The following BCAT2 variants were observed in gnomAD, a reference collection of about 807,000 sequenced individuals.
BCAT2 encodes the protein branched-chain-amino-acid aminotransferase, mitochondrial.
BCAT2 carries 44 observed loss-of-function variants against 52.9 expected under a neutral mutation model. The observed-to-expected ratio is 0.83, with a 90% confidence interval of 0.65 to 1.07. The LOEUF (loss-of-function observed/expected upper bound fraction) is 1.07, where lower values mean the gene tolerates loss of function less well. Ranked by LOEUF, BCAT2 falls within the 50% of genes least tolerant of loss-of-function variation. The probability of loss-of-function intolerance (pLI) is 0.00; values close to 1 mark genes in which losing one functional copy is unlikely to be tolerated. For missense variants in BCAT2, 478 were observed against 521.8 expected (o/e 0.92, Z 0.82); for synonymous variants, 215 against 217.1 (o/e 0.99, Z 0.08).
chr19:48,797,135 A>C, intron 7 of BCAT2, 56 bp downstream of exon 7: 1 of 1,609,030 alleles, frequency 6.2e-7, no homozygotes, highest in Non-Finnish European at 8.5e-7. Context: ...ACCTGCCAGG[A>C]ATGATGGTGC....
At chr19:48,808,860 G>C (rs917704679) in intron 1 of BCAT2, among the ~76,000 whole-genome samples, 4 of 151,766 alleles carry the variant, frequency 2.6e-5, no homozygotes, top group Non-Finnish European at 5.9e-5. Context: ...GACTGCATGA[G>C]GCCAGGAGTT....
intron 9 of BCAT2, 22 bp from the exon 10 acceptor site, chr19:48,796,524 G>A: frequency 1.9e-6 from 3 of 1,611,338 alleles, no homozygotes; most frequent in Non-Finnish European, 2.5e-6. Flanking sequence ...GGTGCGGTGA[G>A]GACCAAGCCC....
rs760944625 is a variant in BCAT2, at chr19:48,806,666, G to T, written c.151C>A (p.Pro51Thr). 3.3e-5 allele frequency: 54 copies of T among 1,613,902 alleles called. No homozygotes were observed. The South Asian group carries it at 4.5e-4, about 13-fold the overall frequency. ...TTCCCAAACACCAGGGGCTCGCCGG[G>T]GCCAGGCTTCTTATGAGGCTTCTGT... ...MTQKPHKKPG[P>T]GEPLVFGKTF... The change falls in exon 3 of 11, where the codon CCC (proline) becomes ACC (threonine). Residue 51 changes from proline (P) to threonine (T), a missense_variant. Physicochemically the swap from Pro to Thr is conservative, Grantham distance 38 (BLOSUM62 -1). Transcript: ENST00000316273.
chr19:48,796,604 C>G lies in BCAT2; in HGVS notation c.1039G>C (p.Val347Leu), dbSNP rs756442340. The part of the protein sequence containing the change: ...GSGTACQVCP[V>L]HRILYKDRNL... ...CTGTCTTTGTACAGGATTCGGTGCA[C>G]TGGGCAGACCTGGCAAGCGGTGCCC... The change falls in exon 9 of 11, where the codon GTG (valine) becomes CTG (leucine). Residue 347 changes from valine (V) to leucine (L), a missense_variant. Val to Leu is a conservative substitution (Grantham distance 32). Coordinates refer to ENST00000316273, the MANE Select transcript of BCAT2 (RefSeq NM_001190.4). 6.2e-7 allele frequency: 1 copy of G among 1,613,608 alleles called. No individual in the cohort carries two copies. The highest frequency in any genetic ancestry group is 1.7e-5 in the Admixed American group (1 of 60,006).
intron 3 of BCAT2, among the ~76,000 whole-genome samples, chr19:48,803,522 T>C (rs1473716490): frequency 6.6e-6 from 1 of 151,430 alleles, no homozygotes; most frequent in Non-Finnish European, 1.5e-5. Flanking sequence ...AGCAAGACCC[T>C]TTCTCAAAAA....
chr19:48,800,408 G>T, intron 3 of BCAT2, 111 bp from the exon 4 acceptor site: 1 of 942,976 alleles, frequency 1.1e-6, no homozygotes, highest in Non-Finnish European at 1.6e-6. Flanking sequence ...AAAGATGGAG[G>T]CCAAGAGGAG....
At chr19:48,804,475 C>A (rs533773605) in intron 3 of BCAT2, among the ~76,000 whole-genome samples, 1 of 151,970 alleles carries the variant, frequency 6.6e-6, no homozygotes, top group Non-Finnish European at 1.5e-5. Flanking sequence ...ACCCGGGAGG[C>A]GGAGGTTGCA....
At chr19:48,795,613 TG>T (rs2034491442) in intron 10 of BCAT2, 149 bp from the exon 11 acceptor site, 4 of 869,942 alleles carry the variant, frequency 4.6e-6, no homozygotes, top group Non-Finnish European at 5.4e-6. Context: ...CCAACAATGA[TG>T]GGAACGGGGA....
intron 3 of BCAT2, 141 bp from the exon 4 acceptor site, chr19:48,800,438 A>G (rs1349413257): frequency 4.3e-6 from 3 of 705,176 alleles, no homozygotes; most frequent in Non-Finnish European, 7.1e-6. Context: ...GAGATTTAGC[A>G]GCTGGGTCAG....
chr19:48,797,223 T>C lies in BCAT2; in HGVS notation c.806A>G (p.Asn269Ser), dbSNP rs558338662. 1 of 1,613,908 alleles carries C rather than the reference T, an allele frequency of 6.2e-7. No homozygotes were observed. Among genetic ancestry groups the C allele is most frequent in the East Asian group, 2.2e-5 (1 of 44,866 alleles). Residue 269 changes from asparagine (N) to serine (S), a missense_variant, in exon 7 of 11, where the codon AAC becomes AGC. By Grantham distance (46) the Asn-to-Ser change is conservative (BLOSUM62 1). Transcript: ENST00000316273. ...TTCGTGGGTCCAGTAGACAAAGATG[T>C]TCATGGTTCCCACCTCGGTGAGCTG... ...DHQLTEVGTM[N>S]IFVYWTHEDG...
intron 3 of BCAT2, among the ~76,000 whole-genome samples, chr19:48,800,690 G>A (rs2034639563): frequency 6.6e-6 from 1 of 152,098 alleles, no homozygotes; most frequent in Non-Finnish European, 1.5e-5. Context: ...CACGTGACTG[G>A]AGTCCCAGGT....
intron 3 of BCAT2, among the ~76,000 whole-genome samples, chr19:48,801,826 G>A (rs1042224417): frequency 2.0e-5 from 3 of 151,956 alleles, no homozygotes; most frequent in Non-Finnish European, 2.9e-5. Context: ...TGGTAGAGAC[G>A]GGGTTTCACC....
At chr19:48,800,424 C>A in intron 3 of BCAT2, 127 bp from the exon 4 acceptor site, 1 of 797,922 alleles carries the variant, frequency 1.3e-6, no homozygotes, top group Non-Finnish European at 2.0e-6. Context: ...AGGAGAGCAC[C>A]GGGGAGATTT....
At chr19:48,796,547 C>T in intron 9 of BCAT2, 31 bp downstream of exon 9, 1 of 1,610,276 alleles carries the variant, frequency 6.2e-7, no homozygotes, top group Non-Finnish European at 8.5e-7. Flanking sequence ...CCCCTCCTTC[C>T]CTCCCACCCA....
Position 48,796,906 on chromosome 19 carries a change from C to T in BCAT2, c.924+31G>A, listed in dbSNP as rs574787395. The T allele has an allele frequency of 4.3e-5, 69 of 1,611,334 alleles. 1 individual carries two copies. The African/African-American group carries it at 6.8e-4, about 16-fold the overall frequency. On this transcript the variant is annotated intron_variant, in intron 8 of 10. Coordinates refer to ENST00000316273, the MANE Select transcript of BCAT2 (RefSeq NM_001190.4). ...TGATGCCCTGGCCCCTGGCACATGGCGCCCATCACCAGAAGATGCCATGTC... is the reference window on the plus strand; with the variant it reads ...TGATGCCCTGGCCCCTGGCACATGGTGCCCATCACCAGAAGATGCCATGTC...
Position 48,796,926 on chromosome 19 carries a change from C to G in BCAT2, c.924+11G>C. 2 of 1,614,038 alleles carry G rather than the reference C, an allele frequency of 1.2e-6. No individual in the cohort carries two copies. Among genetic ancestry groups the G allele is most frequent in the Non-Finnish European group, 1.7e-6 (2 of 1,179,892 alleles). ...CATGGCGCCCATCACCAGAAGATGCCATGTCCTCACCCAGGTCTGAGCCAT... is the reference window on the plus strand; with the variant it reads ...CATGGCGCCCATCACCAGAAGATGCGATGTCCTCACCCAGGTCTGAGCCAT... On this transcript the variant is annotated intron_variant, in intron 8 of 10. Transcript: ENST00000316273.
At chr19:48,806,348 A>G (rs558315350) in intron 3 of BCAT2, among the ~76,000 whole-genome samples, 169 bp downstream of exon 3, 9 of 151,970 alleles carry the variant, frequency 5.9e-5, no homozygotes, top group African/African-American at 1.9e-4. Context: ...GGAACCCAGC[A>G]TCACCAAGCA....
Position 48,800,316 on chromosome 19 carries a change from G to A in BCAT2, c.301-19C>T. The stretch of plus-strand genomic sequence containing the variant: ...CAAACAGCTGCGGGGACACGCGGGT[G>A]GGGAGGCTCAGAGACTTCTCCAGAC... On this transcript the variant is annotated intron_variant, in intron 3 of 10. Transcript: ENST00000316273. 1 of 1,609,430 alleles carries A rather than the reference G, an allele frequency of 6.2e-7. No homozygotes were observed. Among genetic ancestry groups the A allele is most frequent in the Non-Finnish European group, 8.5e-7 (1 of 1,177,862 alleles).
In BCAT2 at chr19:48,807,920, G is replaced by T. The variant is rs2034828961; in HGVS notation, c.25-846C>A. On this transcript the variant is annotated intron_variant, in intron 1 of 10. Transcript: ENST00000316273. The surrounding 1 kb of genome is among the most constrained non-coding windows in gnomAD (Gnocchi z 4.6). The stretch of plus-strand genomic sequence containing the variant: ...GAGCAGGTCTGGCTGTGTCCAGCAG[G>T]CTGGGCCCTCTCTGGTGACCTTTGA... 4.1e-6 allele frequency: 4 copies of T among 985,830 alleles called. No homozygotes were observed. The highest frequency in any genetic ancestry group is 1.2e-4 in the Admixed American group (2 of 16,278). The allele number at this position is 985,830 out of a possible 1,614,324, so 61.1% of individuals were successfully genotyped here.
Sources: allele counts gnomAD v4.1 joint callset (sites outside exome capture counted in the v4.1 genomes callset), GRCh38; gene constraint gnomAD v4.1.1; non-coding constraint Gnocchi (gnomAD v3.1); transcripts MANE v1.5; gene names NCBI Gene and HGNC (gene_info 2026-07-23, HGNC 2026-07-21).